The following KCTD18 variants were observed in gnomAD, a reference collection of about 807,000 sequenced individuals.
The protein encoded by KCTD18 is potassium channel tetramerization domain containing 18, also known as BTB/POZ domain-containing protein KCTD18.
In KCTD18, 22 loss-of-function variants were observed where a neutral mutation model predicts 30.4. That is an observed-to-expected ratio of 0.72 (90% CI 0.52 to 1.03). The LOEUF (loss-of-function observed/expected upper bound fraction) is 1.03, where lower values mean the gene tolerates loss of function less well. KCTD18 is among the 50% of genes least tolerant of loss of function. KCTD18 has a pLI of 0.00. For synonymous variants in KCTD18, 186 were observed against 209.0 expected, an observed-to-expected ratio of 0.89 and a Z score of 0.95; for missense variants, 529 against 547.6, an observed-to-expected ratio of 0.97 and a Z score of 0.34.
chr2:200,493,722 T>C (rs1266918293), intron 5 of KCTD18, among the ~76,000 whole-genome samples: 1 of 152,222 alleles, frequency 6.6e-6, no homozygotes, highest in Non-Finnish European at 1.5e-5. Flanking sequence ...AATGAGTTAA[T>C]AAATGCAAAG....
intron 4 of KCTD18, among the ~76,000 whole-genome samples, 156 bp from the exon 5 acceptor site, chr2:200,498,003 C>T (rs1055139624): frequency 3.9e-5 from 6 of 152,104 alleles, no homozygotes; most frequent in Non-Finnish European, 1.5e-5. Context: ...TATACATATG[C>T]TTACACAGAT....
At chr2:200,493,097 T>C in intron 6 of KCTD18, 75 bp downstream of exon 6, 1 of 819,898 alleles carries the variant, frequency 1.2e-6, no homozygotes, top group Non-Finnish European at 2.1e-6. Context: ...TTATTATTCA[T>C]TTTCCCTTCA....
At chr2:200,501,831 T>G (rs1349952636) in intron 3 of KCTD18, among the ~76,000 whole-genome samples, 1 of 151,232 alleles carries the variant, frequency 6.6e-6, no homozygotes. Context: ...TAAAGACACA[T>G]GCACACGTAT....
intron 5 of KCTD18, chr2:200,496,889 A>G (rs1429819878): frequency 6.6e-6 from 1 of 152,260 alleles, no homozygotes; most frequent in African/African-American, 2.4e-5. Context: ...TCCACCCTCA[A>G]ACTCCTGGGC....
chr2:200,493,520 G>A (rs1313761551), intron 5 of KCTD18, among the ~76,000 whole-genome samples: 2 of 152,222 alleles, frequency 1.3e-5, no homozygotes, highest in Non-Finnish European at 2.9e-5. Context: ...AGATTCAGCA[G>A]GTTATGATGC....
chr2:200,507,321 T>TG (rs757343029), intron 1 of KCTD18, among the ~76,000 whole-genome samples: 1 of 152,220 alleles, frequency 6.6e-6, no homozygotes, highest in Non-Finnish European at 1.5e-5. Context: ...TCATTGCTGT[T>TG]GAAATGACTG....
In KCTD18 at chr2:200,489,556, C is replaced by T. The variant is rs927166674; in HGVS notation, c.*544G>A. On this transcript the variant is annotated 3_prime_UTR_variant, in exon 7 of 7. Transcript: ENST00000359878. ...GTGAGAGTCAAAGTGCTAATTCAAT[C>T]TATGGGGTTTTTTCCTCCCCATCAT... 9 of 152,314 alleles carry T rather than the reference C, an allele frequency of 5.9e-5. No homozygotes were observed. Among genetic ancestry groups the T allele is most frequent in the African/African-American group, 2.2e-4 (9 of 41,454 alleles). The allele number at this position is 152,314 out of a possible 1,614,324, so 9.4% of individuals were successfully genotyped here.
intron 3 of KCTD18, 57 bp downstream of exon 3, chr2:200,504,691 A>C: frequency 8.1e-7 from 1 of 1,239,184 alleles, no homozygotes; most frequent in Non-Finnish European, 1.2e-6. Flanking sequence ...AAAATAGTAC[A>C]TATTGCTTTG....
chr2:200,507,120 C>G, intron 1 of KCTD18, 29 bp from the exon 2 acceptor site: 1 of 813,308 alleles, frequency 1.2e-6, no homozygotes, highest in Non-Finnish European at 1.9e-6. Flanking sequence ...TCATCCCCGC[C>G]ATTTCCAACA....
At chr2:200,506,733 T>C in intron 2 of KCTD18, 124 bp downstream of exon 2, 2 of 780,054 alleles carry the variant, frequency 2.6e-6, no homozygotes, top group South Asian at 1.7e-5. Context: ...CTCCATAGAG[T>C]CCTAATGATC....
chr2:200,509,051 G>A (rs1324166394), intron 1 of KCTD18, among the ~76,000 whole-genome samples: 1 of 152,062 alleles, frequency 6.6e-6, no homozygotes, highest in Non-Finnish European at 1.5e-5. Flanking sequence ...AGGAAGCCAG[G>A]GCCTGTGTCA....
rs1483241680 is a variant in KCTD18 at position 200,489,016 on chromosome 2, TTACTC to T, written c.*1079_*1083del. The T allele has an allele frequency of 6.6e-6, 1 of 152,338 alleles. No homozygotes were observed. Among genetic ancestry groups the T allele is most frequent in the Non-Finnish European group, 1.5e-5 (1 of 68,040 alleles). The allele number at this position is 152,338 out of a possible 1,614,324, so 9.4% of individuals were successfully genotyped here. A position where few individuals can be genotyped will look rare whatever the true frequency, so the allele number is the denominator to read the frequency against. On this transcript the variant is annotated 3_prime_UTR_variant, in exon 7 of 7. Coordinates refer to ENST00000359878, the MANE Select transcript of KCTD18 (RefSeq NM_152387.4). ...ACGTAATGTTTTGAGTATACTTACT[TTACTC>T]TTTCAAAGCAATGAAAGTACAATGA...
intron 4 of KCTD18, among the ~76,000 whole-genome samples, chr2:200,498,090 T>C (rs1394742483): frequency 6.6e-6 from 1 of 152,114 alleles, no homozygotes; most frequent in Non-Finnish European, 1.5e-5. Context: ...AATTCCACAA[T>C]ATGCACCATG....
intron 6 of KCTD18, among the ~76,000 whole-genome samples, chr2:200,491,531 A>G (rs1346251701): frequency 6.6e-6 from 1 of 152,174 alleles, no homozygotes; most frequent in Non-Finnish European, 1.5e-5. Context: ...GTATTTCCCA[A>G]TCATTCTATA....
chr2:200,490,866 A>T (rs1208934818), intron 6 of KCTD18, among the ~76,000 whole-genome samples: 1 of 152,200 alleles, frequency 6.6e-6, no homozygotes, highest in Non-Finnish European at 1.5e-5. Flanking sequence ...GCAAATTAAA[A>T]TTTGGCACTT....
At chr2:200,504,089 T>C (rs932171925) in intron 3 of KCTD18, among the ~76,000 whole-genome samples, 2 of 152,210 alleles carry the variant, frequency 1.3e-5, no homozygotes, top group African/African-American at 4.8e-5. Flanking sequence ...TTCATCAGGA[T>C]CATTATTTTC....
Position 200,506,563 on chromosome 2 carries a change from C to T in KCTD18, c.160+294G>A, listed in dbSNP as rs918208621. ...AAATATATTTAATCAGCATCAATAT[C>T]ATCACCCAAAGCTGCATGAAAGTAA... On this transcript the variant is annotated intron_variant, in intron 2 of 6. Coordinates refer to ENST00000359878, the MANE Select transcript of KCTD18 (RefSeq NM_152387.4). Among the ~76,000 whole-genome samples the T allele has an allele frequency of 5.3e-5, 8 of 152,210 alleles. 1 individual carries two copies. Among genetic ancestry groups the T allele is most frequent in the Admixed American group, 3.9e-4 (6 of 15,278 alleles).
rs761799873 is a variant in KCTD18, at chr2:200,490,452, G to C, written c.929C>G (p.Thr310Arg). Residue 310 changes from threonine to arginine, a missense_variant, in exon 7 of 7, where the codon ACA becomes AGA. Thr to Arg is a moderately conservative substitution (Grantham distance 71, BLOSUM62 -1). Coordinates refer to ENST00000359878, the MANE Select transcript of KCTD18 (RefSeq NM_152387.4). ...GCTACCACTTTGAAACCGGTTTGCT[G>C]TCGCCCCAGCCGACGTCTGGATGGC... Reference protein sequence around the residue: ...ASAIQTSAGATANRFQSGSRR... With the variant: ...ASAIQTSAGARANRFQSGSRR... The C allele has an allele frequency of 3.1e-6, 5 of 1,613,950 alleles. No homozygotes were observed. The Admixed American group carries it at 8.3e-5, about 27-fold the overall frequency.
chr2:200,499,039 G>T lies in KCTD18; in HGVS notation c.418C>A (p.Pro140Thr). 4 of 1,613,986 alleles carry T rather than the reference G, an allele frequency of 2.5e-6. No individual in the cohort carries two copies. Among genetic ancestry groups the T allele is most frequent in the Non-Finnish European group, 3.4e-6 (4 of 1,179,938 alleles). ...CDSYGLVCNKPTVWVLHYLNT... is the reference protein window; with the variant it reads ...CDSYGLVCNKTTVWVLHYLNT... Reference sequence around the variant, plus strand: ...AGATAGTGGAGAACCCAAACTGTTGGTTTATTGCAGACTAAGCCATATGAA... The same window carrying T: ...AGATAGTGGAGAACCCAAACTGTTGTTTTATTGCAGACTAAGCCATATGAA... The change falls in exon 4 of 7, where the codon CCA (proline) becomes ACA (threonine). Residue 140 changes from proline (P) to threonine (T), a missense_variant. Physicochemically the swap from Pro to Thr is conservative, Grantham distance 38. Transcript: ENST00000359878.
Sources: gnomAD v4.1 joint callset for allele counts (sites outside exome capture counted in the v4.1 genomes callset) on GRCh38, gnomAD v4.1.1 for gene constraint, MANE v1.5 for transcripts, NCBI Gene and HGNC (gene_info 2026-07-23, HGNC 2026-07-21) for gene names.